The following NLGN1 variants were observed in gnomAD, a reference collection of about 807,000 sequenced individuals.
The protein encoded by NLGN1 is neuroligin 1, also known as neuroligin-1.
NLGN1 carries 12 observed loss-of-function variants against 65.5 expected under a neutral mutation model. That is an observed-to-expected ratio of 0.18 (90% CI 0.12 to 0.30). NLGN1 has a LOEUF of 0.30. NLGN1 is among the 10% of genes least tolerant of loss of function. The pLI is 1.00. For synonymous variants in NLGN1, 350 were observed against 359.5 expected, an observed-to-expected ratio of 0.97 and a Z score of 0.30; for missense variants, 750 against 1,007.1, an observed-to-expected ratio of 0.74 and a Z score of 3.46.
intron 4 of NLGN1, among the ~76,000 whole-genome samples, chr3:174,171,039 T>G (rs1212556972): frequency 6.6e-6 from 1 of 152,150 alleles, no homozygotes; most frequent in African/African-American, 2.4e-5. Context: ...TATTTTAAAT[T>G]TAGTAAGGTG....
In NLGN1 at chr3:173,992,499, G is replaced by T. The variant is rs59929789; in HGVS notation, c.646+184667G>T. ...CAATGGCTCTTTTTTTCTCTTAAAT[G>T]ATTCAAGAATAAACTACATATTTAT... On this transcript the variant is annotated intron_variant, in intron 4 of 6. Transcript: ENST00000457714. 7.7e-3 allele frequency among the ~76,000 whole-genome samples: 1,166 copies of T among 152,146 alleles called. 19 individuals carry two copies. Among genetic ancestry groups the T allele is most frequent in the African/African-American group, 0.026 (1,092 of 41,512 alleles).
chr3:173,402,789 A>G (rs1459816445), intron 1 of NLGN1, among the ~76,000 whole-genome samples: 1 of 152,192 alleles, frequency 6.6e-6, no homozygotes, highest in African/African-American at 2.4e-5. Flanking sequence ...TTATGCCTGA[A>G]TGACTAAAAC....
chr3:174,291,462 T>C (rs932949562), downstream of NLGN1, among the ~76,000 whole-genome samples: 9 of 151,202 alleles, frequency 6.0e-5, no homozygotes, highest in African/African-American at 2.2e-4. Context: ...TTAATGACTA[T>C]CAAAGAAATA....
chr3:174,124,509 A>C (rs547855048), intron 4 of NLGN1, among the ~76,000 whole-genome samples: 2 of 148,626 alleles, frequency 1.3e-5, no homozygotes, highest in African/African-American at 4.9e-5. Flanking sequence ...GTATATATAT[A>C]AGTATATATA....
intron 4 of NLGN1, among the ~76,000 whole-genome samples, chr3:173,889,565 G>T (rs190887416): frequency 4.5e-4 from 68 of 152,234 alleles, no homozygotes; most frequent in African/African-American, 1.4e-3. Context: ...AAGTAAAAAG[G>T]GGTTTTGTTG....
intron 3 of NLGN1, among the ~76,000 whole-genome samples, chr3:173,774,452 T>C (rs1052946670): frequency 3.9e-5 from 6 of 152,190 alleles, no homozygotes; most frequent in Non-Finnish European, 5.9e-5. Context: ...TCAATGTCTT[T>C]TTGAGAGACA....
chr3:173,736,330 A>T (rs1773739824), intron 3 of NLGN1, among the ~76,000 whole-genome samples: 1 of 151,650 alleles, frequency 6.6e-6, no homozygotes, highest in South Asian at 2.1e-4. Context: ...CCCGTCCCCC[A>T]CTCTCCTTCC....
At chr3:173,654,696 A>C (rs1232661771) in intron 3 of NLGN1, among the ~76,000 whole-genome samples, 1 of 152,184 alleles carries the variant, frequency 6.6e-6, no homozygotes. Context: ...GGATTGAAGA[A>C]TTATGTATAC....
chr3:173,561,028 T>G lies in NLGN1; in HGVS notation c.-320-43251T>G, dbSNP rs573249831. On this transcript the variant is annotated intron_variant, in intron 2 of 6. Transcript: ENST00000457714. ...ATCATACAGCGGGGTTTGTATTGTT[T>G]GTTTGTTTCTTAGTCTTATATTAAA... Among the ~76,000 whole-genome samples the G allele has an allele frequency of 2.0e-5, 3 of 152,328 alleles. No individual in the cohort carries two copies. In the South Asian group the frequency reaches 6.2e-4, roughly 32 times the overall value.
chr3:173,612,632 T>A (rs1223878348), intron 3 of NLGN1, among the ~76,000 whole-genome samples: 1 of 152,080 alleles, frequency 6.6e-6, no homozygotes, highest in Non-Finnish European at 1.5e-5. Context: ...GCCCCTAGAC[T>A]TAGGGCCCTT....
intron 4 of NLGN1, among the ~76,000 whole-genome samples, chr3:173,871,536 A>G (rs543301375): frequency 1.3e-5 from 2 of 152,342 alleles, no homozygotes; most frequent in South Asian, 2.1e-4. Context: ...TGTTACTTGA[A>G]TGGAAATATT....
intron 3 of NLGN1, among the ~76,000 whole-genome samples, chr3:173,773,694 G>T (rs1475998955): frequency 6.6e-6 from 1 of 152,226 alleles, no homozygotes; most frequent in South Asian, 2.1e-4. Flanking sequence ...GGAACAAAAG[G>T]TCTCCCTTCT....
intron 4 of NLGN1, among the ~76,000 whole-genome samples, chr3:173,965,600 G>C (rs1332843847): frequency 6.6e-6 from 1 of 151,648 alleles, no homozygotes; most frequent in African/African-American, 2.4e-5. Flanking sequence ...TTACAGACGT[G>C]AGCCACCCAA....
chr3:174,141,281 A>G (rs552752030), intron 4 of NLGN1, among the ~76,000 whole-genome samples: 61 of 152,312 alleles, frequency 4.0e-4, no homozygotes, highest in African/African-American at 1.4e-3. Context: ...ATTTATAAGT[A>G]ATTTTCCTAT....
intron 4 of NLGN1, among the ~76,000 whole-genome samples, chr3:174,081,439 CT>C: frequency 6.6e-6 from 1 of 152,190 alleles, no homozygotes; most frequent in Admixed American, 6.5e-5. Context: ...TATAAGGTGT[CT>C]TCTCATGGAG....
intron 4 of NLGN1, among the ~76,000 whole-genome samples, chr3:174,127,811 C>T (rs555487924): frequency 1.3e-5 from 2 of 152,236 alleles, no homozygotes; most frequent in East Asian, 3.9e-4. Flanking sequence ...TGGGTGCACA[C>T]TGAAAGTATA....
chr3:173,538,627 A>G (rs549279943), intron 2 of NLGN1, among the ~76,000 whole-genome samples: 11 of 152,298 alleles, frequency 7.2e-5, no homozygotes, highest in South Asian at 4.1e-4. Context: ...AAGTGGTGTC[A>G]TGTCAGGGAC....
chr3:174,072,055 T>C (rs1740002965), intron 4 of NLGN1, among the ~76,000 whole-genome samples: 1 of 152,210 alleles, frequency 6.6e-6, no homozygotes, highest in African/African-American at 2.4e-5. Context: ...AGATGCATAG[T>C]TGATAACAGA....
intron 2 of NLGN1, among the ~76,000 whole-genome samples, chr3:173,587,213 A>G (rs762575541): frequency 2.6e-5 from 4 of 152,212 alleles, no homozygotes; most frequent in Non-Finnish European, 4.4e-5. Flanking sequence ...CTGTCAGAAT[A>G]AACAATACTT....
Sources: allele counts gnomAD v4.1 joint callset (sites outside exome capture counted in the v4.1 genomes callset), GRCh38; gene constraint gnomAD v4.1.1; transcripts MANE v1.5; gene names NCBI Gene and HGNC (gene_info 2026-07-23, HGNC 2026-07-21).